The following FAM171B variants were observed in gnomAD, a reference collection of about 807,000 sequenced individuals.
The protein encoded by FAM171B is family with sequence similarity 171 member B.
FAM171B carries 19 observed loss-of-function variants against 75.6 expected under a neutral mutation model. That is an observed-to-expected ratio of 0.25 (90% CI 0.18 to 0.37). FAM171B has a LOEUF of 0.37. Among genes scored for constraint, FAM171B ranks in the 10% least tolerant of loss-of-function variants. The pLI, the probability that FAM171B is intolerant of heterozygous loss-of-function variation, is 1.00. For missense variants in FAM171B, 848 were observed against 982.4 expected, an observed-to-expected ratio of 0.86 and a Z score of 1.83; for synonymous variants, 367 against 361.7, an observed-to-expected ratio of 1.01 and a Z score of -0.17.
At chr2:186,718,705 A>C (rs1689907847) in intron 1 of FAM171B, among the ~76,000 whole-genome samples, 1 of 152,092 alleles carries the variant, frequency 6.6e-6, no homozygotes, top group African/African-American at 2.4e-5. Context: ...TATGCCGTAT[A>C]CTCCTACTGG....
At chr2:186,736,935 AT>A (rs1690211156) in intron 1 of FAM171B, among the ~76,000 whole-genome samples, 1 of 152,194 alleles carries the variant, frequency 6.6e-6, no homozygotes, top group Non-Finnish European at 1.5e-5. Context: ...TATATTTCTT[AT>A]CAGTGTACTC....
At chr2:186,707,996 G>C (rs1689756634) in intron 1 of FAM171B, among the ~76,000 whole-genome samples, 1 of 151,908 alleles carries the variant, frequency 6.6e-6, no homozygotes, top group Admixed American at 6.6e-5. Context: ...CCTTTAGTTT[G>C]GAAGCCAGAT....
At position 186,761,517 on chromosome 2, in the gene FAM171B, T is replaced by C. The variant is rs762821188; in HGVS notation, c.1175T>C (p.Ile392Thr). 2.1e-5 allele frequency: 33 copies of C among 1,587,484 alleles called. No individual in the cohort carries two copies. Among genetic ancestry groups the C allele is most frequent in the African/African-American group, 4.1e-5 (3 of 73,250 alleles). The change falls in exon 8 of 8, where the codon ATC (isoleucine) becomes ACC (threonine). Residue 392 changes from isoleucine to threonine, a missense_variant. This residue lies in a region of FAM171B where 665 missense variants were observed against 729.0 expected (regional missense o/e 0.91). Transcript: ENST00000304698. ...CGTPQKRERN[I>T]TKLEVLKRDQ... The stretch of plus-strand genomic sequence containing the variant: ...ACTCCACAGAAAAGAGAAAGAAATA[T>C]CACTAAACTTGAGGTCCTCAAGAGA...
chr2:186,754,217 C>T (rs771328126), intron 6 of FAM171B, among the ~76,000 whole-genome samples, 168 bp downstream of exon 6: 9 of 152,142 alleles, frequency 5.9e-5, no homozygotes, highest in South Asian at 4.2e-4. Context: ...TCAGATTAAG[C>T]GCCATGAACT....
At chr2:186,757,990 A>G (rs1026382230) in intron 6 of FAM171B, among the ~76,000 whole-genome samples, 1 of 152,194 alleles carries the variant, frequency 6.6e-6, no homozygotes, top group African/African-American at 2.4e-5. Context: ...ACAAAACTTC[A>G]TATTGTACAG....
At chr2:186,754,073 T>G in intron 6 of FAM171B, 24 bp downstream of exon 6, 1 of 1,518,414 alleles carries the variant, frequency 6.6e-7, no homozygotes, top group Non-Finnish European at 9.0e-7. Flanking sequence ...TGAAAGTAAT[T>G]AAAACATGTA....
chr2:186,755,558 A>G (rs1374522943), intron 6 of FAM171B, among the ~76,000 whole-genome samples: 1 of 152,206 alleles, frequency 6.6e-6, no homozygotes, highest in African/African-American at 2.4e-5. Context: ...CAGAACATGG[A>G]TGACATTTTA....
rs536426436 is a variant in FAM171B, at chr2:186,701,694, G to A, written c.238+7283G>A. Among the ~76,000 whole-genome samples, 17 of 152,270 alleles carry A rather than the reference G, an allele frequency of 1.1e-4. No individual in the cohort carries two copies. In the South Asian group the frequency reaches 3.3e-3, roughly 30 times the overall value. On this transcript the variant is annotated intron_variant, in intron 1 of 7. Transcript: ENST00000304698. The stretch of plus-strand genomic sequence containing the variant: ...CTTTCCAGGATTTTAATAACCAAAA[G>A]GAGTTATTTCTTGGTATTGATAACA...
intron 1 of FAM171B, among the ~76,000 whole-genome samples, chr2:186,721,443 A>G (rs1689950916): frequency 6.6e-6 from 1 of 152,212 alleles, no homozygotes; most frequent in African/African-American, 2.4e-5. Context: ...GCAATCAGTC[A>G]TGCATTCAGA....
chr2:186,746,364 T>C (rs753675739), intron 3 of FAM171B, among the ~76,000 whole-genome samples: 1 of 152,190 alleles, frequency 6.6e-6, no homozygotes, highest in Non-Finnish European at 1.5e-5. Flanking sequence ...TGGCTGAATA[T>C]CATCAGAGAC....
intron 1 of FAM171B, among the ~76,000 whole-genome samples, chr2:186,703,088 C>CACAT (rs1364953997): frequency 2.6e-5 from 4 of 151,188 alleles, no homozygotes; most frequent in Non-Finnish European, 5.9e-5. Flanking sequence ...CACACACACA[C>CACAT]ACACACACAC....
In FAM171B at chr2:186,765,701, G is replaced by A. The variant is rs530281830; in HGVS notation, c.*2878G>A. ...TCAAAGTCACACATTCTTATAAGGC[G>A]CATGAGTTTCTCATTTTCCCATGTA... On this transcript the variant is annotated 3_prime_UTR_variant, in exon 8 of 8. Coordinates refer to ENST00000304698, the MANE Select transcript of FAM171B (RefSeq NM_177454.4). 9 of 152,114 alleles carry A rather than the reference G, an allele frequency of 5.9e-5. No homozygotes were observed. Among genetic ancestry groups the A allele is most frequent in the East Asian group, 1.9e-4 (1 of 5,186 alleles). 9.4% of individuals were successfully genotyped at this position (152,114 alleles called of 1,614,324 possible).
intron 2 of FAM171B, among the ~76,000 whole-genome samples, chr2:186,742,895 A>G (rs1470233654): frequency 6.6e-6 from 1 of 152,194 alleles, no homozygotes; most frequent in Non-Finnish European, 1.5e-5. Context: ...TCAGCTGCCT[A>G]TGCTTGTAGG....
In FAM171B at chr2:186,735,575, A is replaced by G. The variant is rs552162593; in HGVS notation, c.239-4653A>G. ...GGCAGTTACATTTTGAGGAAGGGCT[A>G]TTATTATTTAAACTATAAACTAAAT... On this transcript the variant is annotated intron_variant, in intron 1 of 7. Coordinates refer to ENST00000304698, the MANE Select transcript of FAM171B (RefSeq NM_177454.4). Among the ~76,000 whole-genome samples the G allele has an allele frequency of 5.3e-5, 8 of 152,292 alleles. No homozygotes were observed. In the South Asian group the frequency reaches 1.7e-3, roughly 32 times the overall value.
rs71017336 is a variant in FAM171B, at chr2:186,694,320, G to GCAA, written c.162_164dup (p.Gln56dup). 656,957 of 1,564,164 alleles carry GCAA rather than the reference G, an allele frequency of 0.42. 125,206 individuals carry two copies. Among genetic ancestry groups the GCAA allele is most frequent in the East Asian group, 0.71 (29,127 of 40,742 alleles). On this transcript the variant is annotated inframe_insertion, in exon 1 of 8. Transcript: ENST00000304698. ...TCATCCAACAGCAGCAGCAGCAGCA[G>GCAA]CAACAACAACAACAACAGCAAAAGC...
chr2:186,697,192 A>G (rs1234367756), intron 1 of FAM171B, among the ~76,000 whole-genome samples: 1 of 152,310 alleles, frequency 6.6e-6, no homozygotes, highest in East Asian at 1.9e-4. Context: ...TGGATCTTTA[A>G]TTTTAGTTAA....
At chr2:186,753,331 T>C (rs1262964983) in intron 5 of FAM171B, among the ~76,000 whole-genome samples, 1 of 152,198 alleles carries the variant, frequency 6.6e-6, no homozygotes, top group African/African-American at 2.4e-5. Flanking sequence ...GTGTTTTTAA[T>C]AACTATTTTG....
At chr2:186,753,159 T>G (rs922835298) in intron 5 of FAM171B, among the ~76,000 whole-genome samples, 1 of 152,108 alleles carries the variant, frequency 6.6e-6, no homozygotes, top group Non-Finnish European at 1.5e-5. Flanking sequence ...TTATTATTAT[T>G]TTTTTTCAAG....
At chr2:186,719,727 T>C (rs1424217357) in intron 1 of FAM171B, among the ~76,000 whole-genome samples, 1 of 152,240 alleles carries the variant, frequency 6.6e-6, no homozygotes, top group Non-Finnish European at 1.5e-5. Context: ...GTTTACATTA[T>C]AAATTGGCAT....
Sources: allele counts gnomAD v4.1 joint callset (sites outside exome capture counted in the v4.1 genomes callset), GRCh38; gene constraint gnomAD v4.1.1; regional missense constraint gnomAD v4.1.1; transcripts MANE v1.5; gene names NCBI Gene and HGNC (gene_info 2026-07-23, HGNC 2026-07-21).